The following TBC1D12 variants were observed in gnomAD, a reference collection of about 807,000 sequenced individuals.
TBC1D12 encodes the protein TBC1 domain family, member 12.
In TBC1D12, 56 loss-of-function variants were observed where a neutral mutation model predicts 86.7. That is an observed-to-expected ratio of 0.65 (90% CI 0.52 to 0.81). TBC1D12 has a LOEUF of 0.81. Ranked by LOEUF, TBC1D12 falls within the 30% of genes least tolerant of loss-of-function variation. The pLI is 0.00. For synonymous variants in TBC1D12, 421 were observed against 411.7 expected, an observed-to-expected ratio of 1.02 and a Z score of -0.27; for missense variants, 1,023 against 1,038.8, an observed-to-expected ratio of 0.98 and a Z score of 0.21.
At chr10:94,423,457 C>G (rs1300529660) in intron 1 of TBC1D12, among the ~76,000 whole-genome samples, 1 of 148,472 alleles carries the variant, frequency 6.7e-6, no homozygotes, top group Non-Finnish European at 1.5e-5. Flanking sequence ...AAGTGATTCT[C>G]CTGCCTCAGC....
At chr10:94,457,747 C>A (rs1298372875) in intron 2 of TBC1D12, among the ~76,000 whole-genome samples, 1 of 152,112 alleles carries the variant, frequency 6.6e-6, no homozygotes, top group Non-Finnish European at 1.5e-5. Flanking sequence ...AATTGAACAT[C>A]TTATATGATT....
In TBC1D12 at chr10:94,497,188, T is replaced by A. The variant is rs750622289; in HGVS notation, c.1412+16T>A. 5.6e-6 allele frequency: 8 copies of A among 1,423,784 alleles called. No individual in the cohort carries two copies. In the Admixed American group the frequency reaches 2.0e-4, roughly 36 times the overall value. 88.2% of individuals were successfully genotyped at this position (1,423,784 alleles called of 1,614,324 possible). On this transcript the variant is annotated intron_variant, in intron 5 of 12. Transcript: ENST00000225235. ...GGGAAGTAATGTAAGTAAGCAGACT[T>A]TTCCTAAATTCCCATTTGTCTCCGA...
chr10:94,449,463 C>G (rs1030635894), intron 2 of TBC1D12, among the ~76,000 whole-genome samples: 2 of 152,120 alleles, frequency 1.3e-5, no homozygotes, highest in Non-Finnish European at 2.9e-5. Context: ...TCTATAAAGA[C>G]ATCATAATCA....
At chr10:94,509,621 G>A (rs1589667229) in intron 7 of TBC1D12, 1 of 153,702 alleles carries the variant, frequency 6.5e-6, no homozygotes, top group East Asian at 1.9e-4. Flanking sequence ...TCCAACTAGG[G>A]TGACTTTGTC....
chr10:94,461,641 C>A (rs886566749), intron 2 of TBC1D12, among the ~76,000 whole-genome samples: 3 of 151,916 alleles, frequency 2.0e-5, no homozygotes, highest in Non-Finnish European at 4.4e-5. Context: ...GCTGCCTACC[C>A]CCTGGAGTTC....
chr10:94,465,788 A>G (rs373025814), intron 2 of TBC1D12, among the ~76,000 whole-genome samples: 1 of 143,878 alleles, frequency 7.0e-6, no homozygotes, highest in African/African-American at 2.7e-5. Flanking sequence ...ACATACATAC[A>G]TATACGCATA....
At chr10:94,497,481 T>C (rs1440222213) in intron 5 of TBC1D12, among the ~76,000 whole-genome samples, 1 of 151,660 alleles carries the variant, frequency 6.6e-6, no homozygotes, top group Non-Finnish European at 1.5e-5. Flanking sequence ...TACCACCTAC[T>C]TCCCTTACTG....
At chr10:94,515,524 T>C (rs2056581166) in intron 9 of TBC1D12, among the ~76,000 whole-genome samples, 2 of 151,904 alleles carry the variant, frequency 1.3e-5, no homozygotes, top group Admixed American at 1.3e-4. Context: ...ATTTTTTGTA[T>C]TTTTAGTAGA....
chr10:94,402,764 G>T lies in TBC1D12; in HGVS notation c.151G>T (p.Glu51Ter). 1.1e-5 allele frequency: 17 copies of T among 1,530,496 alleles called. No homozygotes were observed. The highest frequency in any genetic ancestry group is 1.5e-5 in the Non-Finnish European group (17 of 1,136,014). The allele number at this position is 1,530,496 out of a possible 1,614,324, so 94.8% of individuals were successfully genotyped here. A position where few individuals can be genotyped will look rare whatever the true frequency, so the allele number is the denominator to read the frequency against. ...GGVGAVEPPE[E>*]ADEEEEADEE... ...CGTCGGCGCTGTGGAGCCGCCGGAG[G>T]AGGCTGACGAGGAGGAGGAGGCTGA... is the stretch of plus-strand genomic sequence containing the variant. The change falls in exon 1 of 13, where the codon GAG (glutamate) becomes TAG (stop). Residue 51 changes from glutamate to a stop codon, truncating the protein, a stop_gained. Coordinates refer to ENST00000225235, the MANE Select transcript of TBC1D12 (RefSeq NM_015188.2). LOFTEE classifies it high-confidence loss of function.
At chr10:94,484,248 GTTTT>G (rs35799519) in intron 3 of TBC1D12, among the ~76,000 whole-genome samples, 4 of 133,560 alleles carry the variant, frequency 3.0e-5, no homozygotes, top group Non-Finnish European at 4.8e-5. Flanking sequence ...TGTTTCTTTT[GTTTT>G]TTTTTTTTTT....
chr10:94,511,805 A>G (rs1470516994), intron 9 of TBC1D12, 151 bp downstream of exon 9: 2 of 634,674 alleles, frequency 3.2e-6, no homozygotes, highest in Non-Finnish European at 2.7e-6. Flanking sequence ...GAATCTTTCT[A>G]TCTCTTGCCA....
chr10:94,436,065 G>T (rs2055291080), intron 1 of TBC1D12, among the ~76,000 whole-genome samples: 1 of 151,632 alleles, frequency 6.6e-6, no homozygotes, highest in Admixed American at 6.6e-5. Flanking sequence ...TAATGTTATG[G>T]TAAATTTGGA....
chr10:94,409,653 G>A (rs554093009), intron 1 of TBC1D12, among the ~76,000 whole-genome samples: 22 of 152,206 alleles, frequency 1.4e-4, no homozygotes, highest in Admixed American at 5.9e-4. Flanking sequence ...TAGGATTATA[G>A]GCATGAGCTA....
chr10:94,428,481 T>A (rs2134071406), intron 1 of TBC1D12, among the ~76,000 whole-genome samples: 1 of 149,264 alleles, frequency 6.7e-6, no homozygotes, highest in African/African-American at 2.5e-5. Context: ...GGAAATGGGG[T>A]TTTGCCATGT....
chr10:94,527,385 G>A (rs970980601), intron 11 of TBC1D12, among the ~76,000 whole-genome samples: 1 of 151,558 alleles, frequency 6.6e-6, no homozygotes, highest in Admixed American at 6.6e-5. Flanking sequence ...CATGGTGCCT[G>A]GCGTTTGTTT....
intron 2 of TBC1D12, among the ~76,000 whole-genome samples, chr10:94,456,937 C>CT (rs2055635588): frequency 6.6e-6 from 1 of 152,158 alleles, no homozygotes; most frequent in African/African-American, 2.4e-5. Context: ...TTCCTGATAA[C>CT]TTTCCTTGCT....
chr10:94,482,851 C>G (rs939960501), intron 3 of TBC1D12, among the ~76,000 whole-genome samples: 6 of 152,208 alleles, frequency 3.9e-5, no homozygotes, highest in Non-Finnish European at 7.4e-5. Flanking sequence ...CTCTCTATCT[C>G]TGTGATTTCA....
chr10:94,524,669 T>A (rs1283795753), intron 11 of TBC1D12, among the ~76,000 whole-genome samples: 1 of 150,422 alleles, frequency 6.6e-6, no homozygotes, highest in Non-Finnish European at 1.5e-5. Flanking sequence ...AACCAGGGAG[T>A]TGGAGGTTGC....
chr10:94,448,676 A>T (rs1165508841), intron 2 of TBC1D12, among the ~76,000 whole-genome samples: 1 of 151,918 alleles, frequency 6.6e-6, no homozygotes. Context: ...ACAGGGTCTC[A>T]CTGTGTTTCC....
Sources: allele counts gnomAD v4.1 joint callset (sites outside exome capture counted in the v4.1 genomes callset), GRCh38; gene constraint gnomAD v4.1.1; transcripts MANE v1.5; gene names NCBI Gene and HGNC (gene_info 2026-07-23, HGNC 2026-07-21).